Variants in RASAL2 observed in about 807,000 individuals in gnomAD.
RASAL2 encodes the protein RAS protein activator like 2, also known as ras GTPase-activating protein nGAP.
RASAL2 carries 58 observed loss-of-function variants against 128.9 expected under a neutral mutation model. That is an observed-to-expected ratio of 0.45 (90% CI 0.36 to 0.56). The LOEUF is 0.56. Ranked by LOEUF, RASAL2 falls within the 20% of genes least tolerant of loss-of-function variation. RASAL2 has a pLI of 0.00. For synonymous variants in RASAL2, 561 were observed against 580.8 expected, an observed-to-expected ratio of 0.97 and a Z score of 0.49; for missense variants, 1,360 against 1,601.6, an observed-to-expected ratio of 0.85 and a Z score of 2.57.
chr1:178,421,212 T>C (rs1391039598), intron 5 of RASAL2, among the ~76,000 whole-genome samples: 1 of 152,112 alleles, frequency 6.6e-6, no homozygotes, highest in African/African-American at 2.4e-5. Flanking sequence ...GAAATTGGCC[T>C]TGTTGGTTTG....
intron 1 of RASAL2, among the ~76,000 whole-genome samples, chr1:178,133,397 C>A (rs1660195159): frequency 1.3e-5 from 2 of 152,062 alleles, no homozygotes. Flanking sequence ...AATAGCAGGA[C>A]AGACTTGAAT....
chr1:178,359,583 TTTTATTA>T (rs1443579109), intron 3 of RASAL2, among the ~76,000 whole-genome samples: 1 of 152,194 alleles, frequency 6.6e-6, no homozygotes, highest in Non-Finnish European at 1.5e-5. Context: ...ATACTTAAAT[TTTTATTA>T]TTTATTAACT....
intron 3 of RASAL2, among the ~76,000 whole-genome samples, chr1:178,381,763 T>A (rs1672299507): frequency 1.3e-5 from 2 of 151,996 alleles, no homozygotes; most frequent in Admixed American, 1.3e-4. Context: ...ATATTAACAA[T>A]GAGAATATAT....
intron 3 of RASAL2, among the ~76,000 whole-genome samples, chr1:178,378,591 C>G (rs2102551110): frequency 6.6e-6 from 1 of 152,176 alleles, no homozygotes; most frequent in South Asian, 2.1e-4. Context: ...ATTGCATTCT[C>G]TAATAACAGT....
intron 9 of RASAL2, among the ~76,000 whole-genome samples, chr1:178,450,807 T>TAA (rs1187137368): frequency 6.6e-6 from 1 of 152,118 alleles, no homozygotes; most frequent in Non-Finnish European, 1.5e-5. Flanking sequence ...TGAACATGAA[T>TAA]AAAACCTAGT....
At chr1:178,195,843 C>T (rs554685908) in intron 1 of RASAL2, among the ~76,000 whole-genome samples, 146 of 152,182 alleles carry the variant, frequency 9.6e-4, no homozygotes, top group African/African-American at 3.5e-3. Flanking sequence ...AATCTGCTGT[C>T]TCAAGGCTGT....
intron 14 of RASAL2, among the ~76,000 whole-genome samples, chr1:178,461,794 A>G (rs947565676): frequency 2.0e-5 from 3 of 152,232 alleles, no homozygotes; most frequent in East Asian, 3.8e-4. Context: ...CAGAAGGGTT[A>G]TTCATTTATG....
Position 178,245,954 on chromosome 1 carries a change from T to C in RASAL2, c.203-37610T>C, listed in dbSNP as rs541588123. On this transcript the variant is annotated intron_variant, in intron 1 of 17. Coordinates refer to ENST00000367649, the MANE Select transcript of RASAL2 (RefSeq NM_170692.4). ...ATCTGTTTTGGTACCACTACCATGG[T>C]GTTTGGTTACTGTAGCCTTGTAGTA... Among the ~76,000 whole-genome samples the C allele has an allele frequency of 5.9e-5, 9 of 152,268 alleles. No homozygotes were observed. In the South Asian group the frequency reaches 1.7e-3, roughly 28 times the overall value.
intron 4 of RASAL2, among the ~76,000 whole-genome samples, chr1:178,402,810 A>G (rs1673731619): frequency 6.6e-6 from 1 of 152,178 alleles, no homozygotes; most frequent in Non-Finnish European, 1.5e-5. Flanking sequence ...TTAGAGTCCT[A>G]GAAATGAGAG....
In RASAL2 at chr1:178,307,221, A is replaced by G. The variant is rs1353959707; in HGVS notation, c.457+7103A>G. ...TGTATGTTCTAGATTTTCTTAAGCA[A>G]TGTGCATTTCTTTCATACTAAAAAT... is the stretch of plus-strand genomic sequence containing the variant. On this transcript the variant is annotated intron_variant, in intron 3 of 17. Transcript: ENST00000367649. Among the ~76,000 whole-genome samples the G allele has an allele frequency of 3.3e-5, 5 of 152,134 alleles. No homozygotes were observed. The East Asian group carries it at 9.6e-4, about 29-fold the overall frequency.
chr1:178,109,623 A>G lies in RASAL2; in HGVS notation c.202+14929A>G, dbSNP rs142508282. Among the ~76,000 whole-genome samples, 6 of 152,286 alleles carry G rather than the reference A, an allele frequency of 3.9e-5. No homozygotes were observed. In the East Asian group the frequency reaches 9.6e-4, roughly 24 times the overall value. Reference sequence around the variant, plus strand: ...TTTGAAATTTAACTCCATTTCTTACAAATAGGTTGCAGTTCTTAAAAATCT... The same window carrying G: ...TTTGAAATTTAACTCCATTTCTTACGAATAGGTTGCAGTTCTTAAAAATCT... On this transcript the variant is annotated intron_variant, in intron 1 of 17. Coordinates refer to ENST00000367649, the MANE Select transcript of RASAL2 (RefSeq NM_170692.4).
At chr1:178,254,402 T>G (rs753370365) in intron 1 of RASAL2, among the ~76,000 whole-genome samples, 2 of 152,238 alleles carry the variant, frequency 1.3e-5, no homozygotes, top group Admixed American at 6.5e-5. Flanking sequence ...TATGTCAACT[T>G]TTGGCATTGC....
chr1:178,376,076 G>A (rs1050458163), intron 3 of RASAL2, among the ~76,000 whole-genome samples: 3 of 152,106 alleles, frequency 2.0e-5, no homozygotes, highest in Admixed American at 1.3e-4. Flanking sequence ...GACACAGAGC[G>A]AATGACCGTA....
At chr1:178,318,377 A>G (rs1424155694) in intron 3 of RASAL2, among the ~76,000 whole-genome samples, 1 of 151,324 alleles carries the variant, frequency 6.6e-6, no homozygotes, top group Admixed American at 6.6e-5. Context: ...TGATCTGTCT[A>G]ATGTTGACAG....
At chr1:178,117,733 C>T (rs1659568158) in intron 1 of RASAL2, among the ~76,000 whole-genome samples, 1 of 152,150 alleles carries the variant, frequency 6.6e-6, no homozygotes, top group Admixed American at 6.5e-5. Context: ...TGAACCTTCA[C>T]CAGACACTGA....
chr1:178,458,692 G>A (rs1677963020), intron 14 of RASAL2, 148 bp downstream of exon 14: 1 of 1,135,382 alleles, frequency 8.8e-7, no homozygotes, highest in South Asian at 1.7e-5. Context: ...GAAAAATTTG[G>A]GAGGCTTCTG....
chr1:178,273,951 G>A (rs1030025984), intron 1 of RASAL2, among the ~76,000 whole-genome samples: 5 of 152,214 alleles, frequency 3.3e-5, no homozygotes, highest in East Asian at 3.9e-4. Context: ...AGTGAGTGAC[G>A]GATAACATTC....
intron 1 of RASAL2, among the ~76,000 whole-genome samples, chr1:178,178,064 GT>G (rs1380124799): frequency 6.6e-6 from 1 of 152,040 alleles, no homozygotes; most frequent in Non-Finnish European, 1.5e-5. Flanking sequence ...AGAATCATCA[GT>G]TATCATAAGA....
intron 17 of RASAL2, 113 bp downstream of exon 17, chr1:178,467,534 T>C: frequency 1.3e-6 from 1 of 778,760 alleles, no homozygotes; most frequent in East Asian, 2.7e-5. Flanking sequence ...CATTGAAAAG[T>C]TCTAGACGCT....
Sources: gnomAD v4.1 joint callset for allele counts (sites outside exome capture counted in the v4.1 genomes callset) on GRCh38, gnomAD v4.1.1 for gene constraint, MANE v1.5 for transcripts, NCBI Gene and HGNC (gene_info 2026-07-23, HGNC 2026-07-21) for gene names.